SLC25A18: variants seen among roughly 807,000 people sequenced by gnomAD.
SLC25A18 encodes the protein mitochondrial glutamate carrier 2.
SLC25A18 carries 24 observed loss-of-function variants against 31.1 expected under a neutral mutation model. The observed-to-expected ratio is 0.77, with a 90% CI of 0.56 to 1.08. The LOEUF is 1.08. Among genes scored for constraint, SLC25A18 ranks in the 50% least tolerant of loss-of-function variants. SLC25A18 has a pLI of 0.00. For synonymous variants in SLC25A18, 173 were observed against 161.9 expected (o/e 1.07, Z -0.52); for missense variants, 371 against 418.5 (o/e 0.89, Z 0.99).
At chr22:17,563,854 CTAGTG>C (rs1259009225) in intron 1 of SLC25A18, 141 bp downstream of exon 1, 3 of 389,364 alleles carry the variant, frequency 7.7e-6, no homozygotes, top group East Asian at 1.6e-4. Context: ...AAACTGGACT[CTAGTG>C]AGGTGCTAGA....
chr22:17,565,310 T>C (rs2056907446), intron 1 of SLC25A18, among the ~76,000 whole-genome samples: 1 of 152,060 alleles, frequency 6.6e-6, no homozygotes, highest in African/African-American at 2.4e-5. Context: ...CTCGATCTCC[T>C]GACCTCGTGA....
At chr22:17,570,794 G>A (rs1285380337) in intron 2 of SLC25A18, among the ~76,000 whole-genome samples, 2 of 152,138 alleles carry the variant, frequency 1.3e-5, no homozygotes, top group African/African-American at 2.4e-5. Context: ...CCTCAAGACC[G>A]TCTTAACTCA....
intron 10 of SLC25A18, 69 bp downstream of exon 10, chr22:17,589,734 GA>G (rs1423670901): frequency 6.9e-7 from 1 of 1,440,010 alleles, no homozygotes; most frequent in Non-Finnish European, 9.7e-7. Context: ...GCCTAGACCA[GA>G]TTTAGAGACC....
chr22:17,584,451 GA>G lies in SLC25A18; in HGVS notation c.409+918del, dbSNP rs1569190654. Among the ~76,000 whole-genome samples the G allele has an allele frequency of 4.9e-3, 628 of 128,380 alleles. 5 individuals are homozygous for G. The highest frequency in any genetic ancestry group is 0.02 in the African/African-American group (540 of 27,294). 84.2% of individuals were successfully genotyped at this position (128,380 alleles called of 152,430 possible). On this transcript the variant is annotated intron_variant, in intron 7 of 10. Coordinates refer to ENST00000327451, the MANE Select transcript of SLC25A18 (RefSeq NM_031481.3). ...GGAAGGAAGGAAGGAAGGAAGGAGAGAGAGAGAGAGAGAGAGAGAGAAAGAA... is the reference window on the plus strand; with the variant it reads ...GGAAGGAAGGAAGGAAGGAAGGAGAGGAGAGAGAGAGAGAGAGAGAAAGAA...
At chr22:17,584,403 G>GAA (rs112315489) in intron 7 of SLC25A18, among the ~76,000 whole-genome samples, 1,856 of 117,504 alleles carry the variant, frequency 0.016, 54 homozygotes, top group African/African-American at 0.061. Flanking sequence ...AAAAAGAAAA[G>GAA]AAAGAAAGAA....
At position 17,581,207 on chromosome 22, in the gene SLC25A18, G is replaced by GA. The variant is rs762584143; in HGVS notation, c.143+49dup. The GA allele has an allele frequency of 1.6e-5, 25 of 1,570,654 alleles. No homozygotes were observed. The African/African-American group carries it at 2.8e-4, about 18-fold the overall frequency. Reference sequence around the variant, plus strand: ...GGAGGGCAGAGGCGCCCGGGGGAGGGATGGGGCCCCCTTCCCTCCAGTCTC... The same window carrying GA: ...GGAGGGCAGAGGCGCCCGGGGGAGGGAATGGGGCCCCCTTCCCTCCAGTCTC... On this transcript the variant is annotated intron_variant, in intron 4 of 10. Transcript: ENST00000327451.
intron 7 of SLC25A18, among the ~76,000 whole-genome samples, chr22:17,585,814 A>G (rs79910075): frequency 6.6e-6 from 1 of 151,110 alleles, no homozygotes; most frequent in Non-Finnish European, 1.5e-5. Context: ...ACGTCCAGCT[A>G]ATTTTTTTTT....
At chr22:17,573,740 G>A (rs1438194534) in intron 2 of SLC25A18, among the ~76,000 whole-genome samples, 1 of 152,060 alleles carries the variant, frequency 6.6e-6, no homozygotes, top group South Asian at 2.1e-4. Flanking sequence ...GGTTCTCTGC[G>A]GTTCAGCCCT....
chr22:17,575,981 C>T (rs866741881), intron 2 of SLC25A18, among the ~76,000 whole-genome samples: 9 of 152,068 alleles, frequency 5.9e-5, no homozygotes, highest in Admixed American at 6.6e-5. Flanking sequence ...GATGTGTTTT[C>T]TCATTGTTCT....
At position 17,590,916 on chromosome 22, in the gene SLC25A18, T is replaced by C. The variant is rs985554343; in HGVS notation, c.*680T>C. ...TCTGTTCATCAGTGGGTACAGCAGA[T>C]AGGCTGCAGTGAATGCTATCACCAT... is the stretch of plus-strand genomic sequence containing the variant. On this transcript the variant is annotated 3_prime_UTR_variant, in exon 11 of 11. Coordinates refer to ENST00000327451, the MANE Select transcript of SLC25A18 (RefSeq NM_031481.3). 1 of 152,232 alleles carries C rather than the reference T, an allele frequency of 6.6e-6. No individual in the cohort carries two copies. Among genetic ancestry groups the C allele is most frequent in the African/African-American group, 2.4e-5 (1 of 41,440 alleles). The allele number at this position is 152,232 out of a possible 1,614,324, so 9.4% of individuals were successfully genotyped here. A position where few individuals can be genotyped will look rare whatever the true frequency, so the allele number is the denominator to read the frequency against.
intron 2 of SLC25A18, among the ~76,000 whole-genome samples, chr22:17,571,758 G>GAAAA (rs796501629): frequency 1.1e-5 from 1 of 91,544 alleles, no homozygotes; most frequent in Non-Finnish European, 2.4e-5. Context: ...GTCTCAAAAA[G>GAAAA]AAAAAAAAAA....
chr22:17,565,414 G>GA (rs2056911148), intron 1 of SLC25A18, among the ~76,000 whole-genome samples: 1 of 151,860 alleles, frequency 6.6e-6, no homozygotes, highest in Admixed American at 6.6e-5. Flanking sequence ...ATAGGGTCTT[G>GA]CCAAGTTGAA....
intron 7 of SLC25A18, among the ~76,000 whole-genome samples, chr22:17,586,065 G>C (rs965427162): frequency 1.3e-5 from 2 of 152,202 alleles, no homozygotes; most frequent in African/African-American, 2.4e-5. Context: ...ATAGGGAAGA[G>C]TGGGAAGGAC....
At chr22:17,583,600 C>A in intron 7 of SLC25A18, 66 bp downstream of exon 7, 1 of 1,563,560 alleles carries the variant, frequency 6.4e-7, no homozygotes, top group Non-Finnish European at 8.6e-7. Flanking sequence ...GCACATCCCA[C>A]ATCCCAACCT....
chr22:17,570,890 A>G (rs1489147246), intron 2 of SLC25A18, among the ~76,000 whole-genome samples: 3 of 152,344 alleles, frequency 2.0e-5, no homozygotes, highest in African/African-American at 7.2e-5. Flanking sequence ...ATGGGTTAAC[A>G]GGAGAGGGCT....
chr22:17,579,962 G>T lies in SLC25A18; in HGVS notation c.18G>T (p.Leu6=), dbSNP rs1363050689. 2 of 1,610,878 alleles carry T rather than the reference G, an allele frequency of 1.2e-6. No individual in the cohort carries two copies. Among genetic ancestry groups the T allele is most frequent in the Admixed American group, 3.4e-5 (2 of 59,594 alleles). The change falls in exon 3 of 11, where the codon CTG becomes CTT. Residue 6 remains leucine, a splice_region_variant and synonymous_variant. Transcript: ENST00000327451. MTHQD[L]SITAKLINGG... ...CCTGCAGAATGACCCACCAGGATCT[G>T]AGGTGAGCTCGGCTGGGGCAGCCTG...
rs908762078 is a variant in SLC25A18, at chr22:17,568,722, T to A, written c.-263-1202T>A. On this transcript the variant is annotated intron_variant, in intron 1 of 10. Transcript: ENST00000327451. ...GACTACACGCGCCTGCCACCACGCC[T>A]GACTAATTTTTTGTATTTTTAGTAG... 4.8e-5 allele frequency among the ~76,000 whole-genome samples: 7 copies of A among 146,936 alleles called. No individual in the cohort carries two copies. The Admixed American group carries it at 4.8e-4, about 10-fold the overall frequency.
chr22:17,569,042 G>C (rs925266797), intron 1 of SLC25A18, among the ~76,000 whole-genome samples: 2 of 148,480 alleles, frequency 1.3e-5, no homozygotes, highest in African/African-American at 4.9e-5. Flanking sequence ...GAGTCGCCCA[G>C]CCTGTAGCCA....
chr22:17,582,453 C>T, intron 5 of SLC25A18, 110 bp from the exon 6 acceptor site: 1 of 792,084 alleles, frequency 1.3e-6, no homozygotes, highest in Non-Finnish European at 1.9e-6. Flanking sequence ...CCACCTGGCC[C>T]CAAAAATGCC....
Sources: gnomAD v4.1 joint callset for allele counts (sites outside exome capture counted in the v4.1 genomes callset) on GRCh38, gnomAD v4.1.1 for gene constraint, MANE v1.5 for transcripts, NCBI Gene and HGNC (gene_info 2026-07-23, HGNC 2026-07-21) for gene names.